The following ARHGAP42 variants were observed in gnomAD, a reference collection of about 807,000 sequenced individuals.
ARHGAP42 encodes the protein Rho GTPase activating protein 42, also known as rho GTPase-activating protein 42.
A neutral mutation model predicts 125.0 loss-of-function variants in ARHGAP42; 63 were observed. The observed-to-expected ratio is 0.50, with a 90% CI of 0.41 to 0.62. The LOEUF (loss-of-function observed/expected upper bound fraction) is 0.62. Among genes scored for constraint, ARHGAP42 ranks in the 20% least tolerant of loss-of-function variants. The pLI, the probability that ARHGAP42 is intolerant of heterozygous loss-of-function variation, is 0.00. For synonymous variants in ARHGAP42, 339 were observed against 351.0 expected (o/e 0.97, Z 0.38); for missense variants, 766 against 1,024.2 (o/e 0.75, Z 3.44).
At chr11:100,942,565 G>A (rs12419257) in intron 9 of ARHGAP42, among the ~76,000 whole-genome samples, 22,732 of 152,166 alleles carry the variant, frequency 0.15, 1,958 homozygotes, top group East Asian at 0.25. Context: ...TGAGCACGCT[G>A]AAGCTGGGAG....
chr11:100,687,972 G>A, intron 1 of ARHGAP42, 140 bp downstream of exon 1: 1 of 961,344 alleles, frequency 1.0e-6, no homozygotes, highest in Non-Finnish European at 1.5e-6. Context: ...CTCCCCTGCT[G>A]GTGGCCAACA....
intron 2 of ARHGAP42, among the ~76,000 whole-genome samples, chr11:100,774,002 A>T (rs1006010838): frequency 6.6e-6 from 1 of 152,202 alleles, no homozygotes; most frequent in African/African-American, 2.4e-5. Flanking sequence ...TTAGAGCAAA[A>T]TGACTTACAA....
intron 12 of ARHGAP42, among the ~76,000 whole-genome samples, chr11:100,956,424 G>A (rs900758833): frequency 6.6e-6 from 1 of 152,122 alleles, no homozygotes; most frequent in African/African-American, 2.4e-5. Flanking sequence ...AACTTGAGTT[G>A]ATAGAGAAGC....
chr11:100,745,634 T>A (rs1862285810), intron 1 of ARHGAP42, among the ~76,000 whole-genome samples: 1 of 152,194 alleles, frequency 6.6e-6, no homozygotes. Context: ...TTTGTTATAC[T>A]TCCATCAGGG....
intron 3 of ARHGAP42, among the ~76,000 whole-genome samples, chr11:100,812,972 C>CA (rs1864182547): frequency 6.6e-6 from 1 of 152,180 alleles, no homozygotes; most frequent in African/African-American, 2.4e-5. Context: ...GTGTGCTGAG[C>CA]TCCCCTTAGG....
intron 7 of ARHGAP42, among the ~76,000 whole-genome samples, chr11:100,934,944 A>G (rs2135262961): frequency 6.6e-6 from 1 of 152,252 alleles, no homozygotes; most frequent in South Asian, 2.1e-4. Context: ...TTTTACAGTT[A>G]CTATTAAAAG....
intron 3 of ARHGAP42, among the ~76,000 whole-genome samples, chr11:100,814,687 G>T (rs1471466779): frequency 6.6e-6 from 1 of 152,070 alleles, no homozygotes; most frequent in African/African-American, 2.4e-5. Flanking sequence ...TAGGGGAGGG[G>T]CTACAAACTT....
At chr11:100,841,745 T>C (rs1302253122) in intron 3 of ARHGAP42, among the ~76,000 whole-genome samples, 1 of 152,126 alleles carries the variant, frequency 6.6e-6, no homozygotes, top group Non-Finnish European at 1.5e-5. Context: ...TTCTTCCAGA[T>C]CTTTGAGTAG....
At chr11:100,830,235 T>G (rs1395234558) in intron 3 of ARHGAP42, among the ~76,000 whole-genome samples, 3 of 152,202 alleles carry the variant, frequency 2.0e-5, no homozygotes, top group Non-Finnish European at 4.4e-5. Context: ...TTATACTGAA[T>G]GCTCTTTGGA....
At chr11:100,821,231 A>G (rs1349462928) in intron 3 of ARHGAP42, among the ~76,000 whole-genome samples, 3 of 152,126 alleles carry the variant, frequency 2.0e-5, no homozygotes, top group South Asian at 2.1e-4. Flanking sequence ...CCAGGACTGG[A>G]TAGAATTCTG....
intron 1 of ARHGAP42, among the ~76,000 whole-genome samples, chr11:100,759,618 A>G (rs1443029876): frequency 1.3e-5 from 2 of 152,146 alleles, no homozygotes; most frequent in Non-Finnish European, 2.9e-5. Flanking sequence ...ACATACAAAA[A>G]AGGAGGTAGA....
At chr11:100,848,221 C>T (rs188464777) in intron 3 of ARHGAP42, among the ~76,000 whole-genome samples, 194 of 152,098 alleles carry the variant, frequency 1.3e-3, no homozygotes, top group African/African-American at 4.5e-3. Context: ...TACTGTATTC[C>T]TGAATTATCC....
rs1408037482 is a variant in ARHGAP42, at chr11:100,976,139, C to A, written c.1938C>A (p.Ser646Arg). 6.4e-7 allele frequency: 1 copy of A among 1,551,618 alleles called. No homozygotes were observed. Among genetic ancestry groups the A allele is most frequent in the Admixed American group, 2.0e-5 (1 of 50,994 alleles). Residue 646 changes from serine (S) to arginine (R), a missense_variant, in exon 20 of 24, where the codon AGC becomes AGA. Physicochemically the swap from Ser to Arg is moderately radical, Grantham distance 110. Coordinates refer to ENST00000298815, the MANE Select transcript of ARHGAP42 (RefSeq NM_152432.4). ...CTTCTCATTCCTCTGAACAAAATAGCACTACAAAGTCAGCTTCCTGCCAGC... is the reference window on the plus strand; with the variant it reads ...CTTCTCATTCCTCTGAACAAAATAGAACTACAAAGTCAGCTTCCTGCCAGC... ...SLSSHSSEQNSTTKSASCQPR... is the reference protein window; with the variant it reads ...SLSSHSSEQNRTTKSASCQPR...
intron 1 of ARHGAP42, among the ~76,000 whole-genome samples, chr11:100,755,161 G>A (rs187212063): frequency 6.6e-6 from 1 of 152,238 alleles, no homozygotes. Context: ...AAATGCTAGG[G>A]TGTAAGAGTG....
At chr11:100,777,686 A>G (rs546426288) in intron 2 of ARHGAP42, among the ~76,000 whole-genome samples, 2 of 152,348 alleles carry the variant, frequency 1.3e-5, no homozygotes, top group Admixed American at 6.5e-5. Flanking sequence ...CATAACTGCC[A>G]TAATAAATGC....
chr11:100,753,321 G>A (rs1042635614), intron 1 of ARHGAP42, among the ~76,000 whole-genome samples: 2 of 152,182 alleles, frequency 1.3e-5, no homozygotes, highest in Admixed American at 1.3e-4. Context: ...CACCTGCAGT[G>A]TTCACTAGCA....
At chr11:100,861,546 A>C (rs1329333811) in intron 4 of ARHGAP42, among the ~76,000 whole-genome samples, 1 of 152,196 alleles carries the variant, frequency 6.6e-6, no homozygotes, top group East Asian at 1.9e-4. Context: ...GGGTGAAAGT[A>C]ACTGGGGACA....
At chr11:100,832,069 A>G (rs73577320) in intron 3 of ARHGAP42, among the ~76,000 whole-genome samples, 1,831 of 152,352 alleles carry the variant, frequency 0.012, 44 homozygotes, top group African/African-American at 0.041. Flanking sequence ...TGATTGGCTC[A>G]GTGGCTCTAT....
At chr11:100,970,246 C>T (rs879879225) in intron 17 of ARHGAP42, among the ~76,000 whole-genome samples, 8 of 152,106 alleles carry the variant, frequency 5.3e-5, no homozygotes, top group Admixed American at 4.6e-4. Context: ...GCCTTGGCCT[C>T]CAAAAGTGGT....
Sources: gnomAD v4.1 joint callset for allele counts (sites outside exome capture counted in the v4.1 genomes callset) on GRCh38, gnomAD v4.1.1 for gene constraint, MANE v1.5 for transcripts, NCBI Gene and HGNC (gene_info 2026-07-23, HGNC 2026-07-21) for gene names.